The following SYNGR1 variants were observed in gnomAD, a reference collection of about 807,000 sequenced individuals.
SYNGR1 encodes synaptogyrin 1.
Under a neutral mutation model 26.1 loss-of-function variants are expected in SYNGR1, and 14 were observed. The observed-to-expected ratio is 0.54, with a 90% CI of 0.35 to 0.84. SYNGR1 has a LOEUF of 0.84. Ranked by LOEUF, SYNGR1 falls within the 40% of genes least tolerant of loss-of-function variation. The pLI, the probability that SYNGR1 is intolerant of heterozygous loss-of-function variation, is 0.01. For missense variants in SYNGR1, 319 were observed against 332.9 expected (o/e 0.96, Z 0.33); for synonymous variants, 141 against 150.1 (o/e 0.94, Z 0.44).
chr22:39,380,671 A>G (rs994367745), intron 3 of SYNGR1, among the ~76,000 whole-genome samples: 103 of 130,448 alleles, frequency 7.9e-4, no homozygotes, highest in African/African-American at 3.1e-3. Flanking sequence ...CCCAGGCTAG[A>G]GTGCAGTGGC....
chr22:39,360,212 G>A (rs779298610), intron 1 of SYNGR1, among the ~76,000 whole-genome samples: 1 of 152,066 alleles, frequency 6.6e-6, no homozygotes, highest in African/African-American at 2.4e-5. Flanking sequence ...AAGGACACAC[G>A]TCCATCAGTT....
At chr22:39,366,063 T>C (rs950438920) in intron 1 of SYNGR1, among the ~76,000 whole-genome samples, 1 of 137,616 alleles carries the variant, frequency 7.3e-6, no homozygotes, top group African/African-American at 2.7e-5. Flanking sequence ...AGTGGTGCAA[T>C]CAGAGCTCAC....
chr22:39,364,121 C>T, intron 1 of SYNGR1: 1 of 1,608,578 alleles, frequency 6.2e-7, no homozygotes, highest in Non-Finnish European at 8.5e-7. Context: ...CATCTCCCCT[C>T]AAGTAAAGTG....
At chr22:39,373,746 G>A (rs1925139604) in intron 1 of SYNGR1, among the ~76,000 whole-genome samples, 2 of 152,140 alleles carry the variant, frequency 1.3e-5, no homozygotes, top group Non-Finnish European at 2.9e-5. Context: ...GCCTCCCAAA[G>A]TGCTGGGATT....
At chr22:39,377,586 C>T (rs1339533507) in intron 3 of SYNGR1, 18 of 1,613,084 alleles carry the variant, frequency 1.1e-5, no homozygotes, top group Non-Finnish European at 1.4e-5. Context: ...CACCCCTACT[C>T]TCTCCTGGCA....
At chr22:39,376,344 C>T (rs746341084) in intron 3 of SYNGR1, 147 bp downstream of exon 3, 23 of 1,382,784 alleles carry the variant, frequency 1.7e-5, no homozygotes, top group Middle Eastern at 4.9e-4. Context: ...CTGTCTGCGG[C>T]GCTCACAGTG....
Position 39,365,184 on chromosome 22 carries a change from C to T in SYNGR1, c.100-9132C>T, listed in dbSNP as rs537572565. On this transcript the variant is annotated intron_variant, in intron 1 of 3. Transcript: ENST00000328933. ...GTTGGATGAATTTTCCCCAGTGTCT[C>T]GGCTGCTGTGGCCAGTGTGGAATTT... 8.5e-5 allele frequency among the ~76,000 whole-genome samples: 13 copies of T among 152,264 alleles called. No individual in the cohort carries two copies. The East Asian group carries it at 9.7e-4, about 11-fold the overall frequency.
At chr22:39,376,015 G>C (rs1217837689) in intron 2 of SYNGR1, 37 bp from the exon 3 acceptor site, 1 of 1,613,884 alleles carries the variant, frequency 6.2e-7, no homozygotes, top group African/African-American at 1.3e-5. Context: ...CCCCATGTGT[G>C]GCACTGCCTA....
At chr22:39,380,342 C>G (rs1230140236) in intron 3 of SYNGR1, among the ~76,000 whole-genome samples, 1 of 152,114 alleles carries the variant, frequency 6.6e-6, no homozygotes, top group Non-Finnish European at 1.5e-5. Flanking sequence ...TCAACAAAGT[C>G]CAAGGCTGTG....
Position 39,382,773 on chromosome 22 carries a change from AC to A in SYNGR1, c.*863del, listed in dbSNP as rs1925540355. On this transcript the variant is annotated 3_prime_UTR_variant, in exon 4 of 4. Transcript: ENST00000328933. ...CCTCCACCCACATCCCCCTGGTCCTACCCCTGGCCCTTGGCCTCCTCCAAGA... is the reference window on the plus strand; with the variant it reads ...CCTCCACCCACATCCCCCTGGTCCTACCCTGGCCCTTGGCCTCCTCCAAGA... 6.6e-6 allele frequency: 1 copy of A among 152,486 alleles called. No homozygotes were observed. Among genetic ancestry groups the A allele is most frequent in the South Asian group, 2.1e-4 (1 of 4,800 alleles). 9.4% of individuals were successfully genotyped at this position (152,486 alleles called of 1,614,324 possible).
Position 39,350,021 on chromosome 22 carries a change from G to A in SYNGR1, c.11G>A (p.Gly4Asp). The A allele has an allele frequency of 1.5e-6, 2 of 1,366,982 alleles. No homozygotes were observed. The highest frequency in any genetic ancestry group is 3.5e-5 in the East Asian group (1 of 28,682). 84.7% of individuals were successfully genotyped at this position (1,366,982 alleles called of 1,614,324 possible). A position where few individuals can be genotyped will look rare whatever the true frequency, so the allele number is the denominator to read the frequency against. ...GCGGGTGCAGCCACGATGGAAGGGG[G>A]TGCGTACGGAGCGGGCAAAGCCGGG... MEGGAYGAGKAGGA... is the reference protein window; with the variant it reads MEGDAYGAGKAGGA... Residue 4 changes from glycine to aspartate, a missense_variant, in exon 1 of 4, where the codon GGT becomes GAT. Transcript: ENST00000328933. The surrounding 1 kb of genome is among the most constrained non-coding windows in gnomAD (Gnocchi z 4.3).
At chr22:39,378,094 T>C in intron 3 of SYNGR1, 4 of 1,180,382 alleles carry the variant, frequency 3.4e-6, no homozygotes, top group Non-Finnish European at 4.3e-6. Context: ...TGCTGAGCTG[T>C]GGGTGCAGAG....
rs960816014 is a variant in SYNGR1 at position 39,368,162 on chromosome 22, T to G, written c.100-6154T>G. On this transcript the variant is annotated intron_variant, in intron 1 of 3. Transcript: ENST00000328933. ...CCATGAGTTTAGTGGCAGTCTAGCCTTCTGGGGCTCCTTACTCCAGGCCAC... is the reference window on the plus strand; with the variant it reads ...CCATGAGTTTAGTGGCAGTCTAGCCGTCTGGGGCTCCTTACTCCAGGCCAC... 3.3e-5 allele frequency among the ~76,000 whole-genome samples: 5 copies of G among 152,378 alleles called. No homozygotes were observed. The East Asian group carries it at 7.7e-4, about 23-fold the overall frequency.
chr22:39,375,937 A>G (rs1165107728), intron 2 of SYNGR1, 115 bp from the exon 3 acceptor site: 2 of 1,383,454 alleles, frequency 1.4e-6, no homozygotes, highest in Admixed American at 1.7e-5. Flanking sequence ...GTGGGGGAGC[A>G]TGGGAGATGC....
intron 3 of SYNGR1, chr22:39,377,654 G>C (rs1011562619): frequency 6.2e-7 from 1 of 1,614,008 alleles, no homozygotes; most frequent in Non-Finnish European, 8.5e-7. Context: ...TCCAGGAGGA[G>C]TACAGCACAC....
At chr22:39,374,273 C>A in intron 1 of SYNGR1, 43 bp from the exon 2 acceptor site, 1 of 1,594,194 alleles carries the variant, frequency 6.3e-7, no homozygotes, top group Non-Finnish European at 8.6e-7. Flanking sequence ...TGGTGTGAGG[C>A]AGGGGTCTGC....
intron 1 of SYNGR1, among the ~76,000 whole-genome samples, chr22:39,372,424 C>T (rs1208424179): frequency 6.8e-6 from 1 of 146,086 alleles, no homozygotes; most frequent in Non-Finnish European, 1.5e-5. Context: ...AGCCACCATG[C>T]ACCACGCCCA....
chr22:39,372,973 A>G (rs1005543231), intron 1 of SYNGR1, among the ~76,000 whole-genome samples: 1 of 152,094 alleles, frequency 6.6e-6, no homozygotes, highest in Non-Finnish European at 1.5e-5. Context: ...GACGAGCAAG[A>G]TGGAGGCAGA....
At chr22:39,362,508 C>T (rs1458603898) in intron 1 of SYNGR1, among the ~76,000 whole-genome samples, 1 of 152,106 alleles carries the variant, frequency 6.6e-6, no homozygotes, top group Non-Finnish European at 1.5e-5. Context: ...CTGCCCAACA[C>T]CCATCATGTG....
Sources: allele counts gnomAD v4.1 joint callset (sites outside exome capture counted in the v4.1 genomes callset), GRCh38; gene constraint gnomAD v4.1.1; non-coding constraint Gnocchi (gnomAD v3.1); transcripts MANE v1.5; gene names NCBI Gene and HGNC (gene_info 2026-07-23, HGNC 2026-07-21).